KAT2B: variants seen among roughly 807,000 people sequenced by gnomAD.
The protein encoded by KAT2B is lysine acetyltransferase 2B, also known as histone acetyltransferase KAT2B.
KAT2B carries 36 observed loss-of-function variants against 105.9 expected under a neutral mutation model. That is an observed-to-expected ratio of 0.34 (90% CI 0.26 to 0.45). The LOEUF (loss-of-function observed/expected upper bound fraction) is 0.45. KAT2B is among the 20% of genes least tolerant of loss of function. The pLI, the probability that KAT2B is intolerant of heterozygous loss-of-function variation, is 1.00. For missense variants in KAT2B, 820 were observed against 1,021.6 expected (o/e 0.80, Z 2.69); for synonymous variants, 397 against 377.9 (o/e 1.05, Z -0.59).
chr3:20,062,198 T>TA (rs1174879200), intron 1 of KAT2B, among the ~76,000 whole-genome samples: 6,129 of 48,384 alleles, frequency 0.13, 620 homozygotes, highest in Non-Finnish European at 0.16. Context: ...AAAATATATA[T>TA]ATTTTATATA....
intron 7 of KAT2B, among the ~76,000 whole-genome samples, chr3:20,117,630 T>C (rs1699229232): frequency 1.3e-5 from 2 of 152,236 alleles, no homozygotes; most frequent in South Asian, 4.1e-4. Context: ...GTATCTCTCT[T>C]GCTTGGTTTA....
chr3:20,138,826 T>C (rs1699648360), intron 12 of KAT2B, among the ~76,000 whole-genome samples: 3 of 152,224 alleles, frequency 2.0e-5, no homozygotes, highest in Non-Finnish European at 4.4e-5. Context: ...TATGGCTTTT[T>C]CTTTAAATCT....
chr3:20,041,524 C>T (rs1299750009), intron 1 of KAT2B, among the ~76,000 whole-genome samples: 1 of 152,222 alleles, frequency 6.6e-6, no homozygotes, highest in African/African-American at 2.4e-5. Context: ...TTCTTGCTAC[C>T]CACTCTCCAT....
At chr3:20,103,648 A>G (rs573374331) in intron 5 of KAT2B, among the ~76,000 whole-genome samples, 4 of 152,238 alleles carry the variant, frequency 2.6e-5, no homozygotes, top group African/African-American at 7.2e-5. Context: ...ACCTCAAGCA[A>G]TCCTCCCACC....
intron 2 of KAT2B, among the ~76,000 whole-genome samples, chr3:20,082,000 C>A (rs1698529473): frequency 6.6e-6 from 1 of 151,302 alleles, no homozygotes; most frequent in Admixed American, 6.6e-5. Context: ...CATAGCCCTT[C>A]CTCCCCTAAA....
chr3:20,114,864 T>A lies in KAT2B; in HGVS notation c.1044-18T>A. The stretch of plus-strand genomic sequence containing the variant: ...AGTAGTTTTTTTTTAATCTTATTGC[T>A]ATTACTCTTGTGTCTAGATTTCTGT... On this transcript the variant is annotated intron_variant, in intron 6 of 17. Transcript: ENST00000263754. 2 of 1,375,760 alleles carry A rather than the reference T, an allele frequency of 1.5e-6. No homozygotes were observed. The highest frequency in any genetic ancestry group is 2.1e-6 in the Non-Finnish European group (2 of 968,010). 85.2% of individuals were successfully genotyped at this position (1,375,760 alleles called of 1,614,324 possible).
rs1047469225 is a variant in KAT2B, at chr3:20,146,301, T to C, written c.2005-15T>C. ...ACTTCTTTCCCTAAACACATTTCCTTCCTGTGCTTTACAGATAATTAAAAA... is the reference window on the plus strand; with the variant it reads ...ACTTCTTTCCCTAAACACATTTCCTCCCTGTGCTTTACAGATAATTAAAAA... On this transcript the variant is annotated splice_polypyrimidine_tract_variant and intron_variant, in intron 13 of 17. Coordinates refer to ENST00000263754, the MANE Select transcript of KAT2B (RefSeq NM_003884.5). 1.4e-6 allele frequency: 2 copies of C among 1,429,750 alleles called. No homozygotes were observed. The highest frequency in any genetic ancestry group is 1.4e-5 in the African/African-American group (1 of 71,378). The allele number at this position is 1,429,750 out of a possible 1,614,324, so 88.6% of individuals were successfully genotyped here.
chr3:20,146,744 T>C (rs916235874), intron 14 of KAT2B, among the ~76,000 whole-genome samples: 1 of 152,198 alleles, frequency 6.6e-6, no homozygotes, highest in African/African-American at 2.4e-5. Context: ...TCCTATTTTA[T>C]AAATGGGGAA....
intron 15 of KAT2B, 62 bp downstream of exon 15, chr3:20,148,061 C>T (rs1699808437): frequency 1.3e-5 from 20 of 1,551,000 alleles, no homozygotes; most frequent in Non-Finnish European, 1.7e-5. Context: ...CACCAAGCAA[C>T]TTAAAGAAAA....
chr3:20,145,111 CAA>C (rs1441714465), intron 13 of KAT2B, among the ~76,000 whole-genome samples: 4 of 152,138 alleles, frequency 2.6e-5, no homozygotes, highest in Non-Finnish European at 5.9e-5. Flanking sequence ...CTCTGATTTT[CAA>C]GAGTTCATAT....
intron 5 of KAT2B, among the ~76,000 whole-genome samples, chr3:20,110,713 A>G (rs1699106287): frequency 6.7e-6 from 1 of 149,400 alleles, no homozygotes; most frequent in South Asian, 2.1e-4. Flanking sequence ...AAAGAAAAAG[A>G]GGTTTATTTT....
At chr3:20,077,659 T>A (rs888721620) in intron 2 of KAT2B, among the ~76,000 whole-genome samples, 1 of 152,220 alleles carries the variant, frequency 6.6e-6, no homozygotes, top group African/African-American at 2.4e-5. Context: ...TTATTAAAAT[T>A]ATTTCTACTG....
intron 1 of KAT2B, among the ~76,000 whole-genome samples, chr3:20,050,978 A>T (rs554239465): frequency 6.6e-6 from 1 of 152,200 alleles, no homozygotes; most frequent in East Asian, 1.9e-4. Flanking sequence ...AGGTGGGCAG[A>T]TCGCTTGAGG....
At chr3:20,056,250 G>A (rs1229428963) in intron 1 of KAT2B, among the ~76,000 whole-genome samples, 1 of 152,154 alleles carries the variant, frequency 6.6e-6, no homozygotes, top group East Asian at 1.9e-4. Context: ...TATTGTAAGG[G>A]TAGAGGCAAC....
At chr3:20,043,976 A>G (rs1697762503) in intron 1 of KAT2B, among the ~76,000 whole-genome samples, 1 of 152,106 alleles carries the variant, frequency 6.6e-6, no homozygotes, top group African/African-American at 2.4e-5. Context: ...CAGGCCTGAT[A>G]TAAATCTGGC....
At chr3:20,072,552 T>A in intron 2 of KAT2B, 93 bp downstream of exon 2, 1 of 1,220,074 alleles carries the variant, frequency 8.2e-7, no homozygotes, top group Non-Finnish European at 1.2e-6. Flanking sequence ...CAAATTTGAA[T>A]GCTGTGTACC....
chr3:20,139,673 G>A (rs777020899), intron 12 of KAT2B, among the ~76,000 whole-genome samples: 1 of 152,004 alleles, frequency 6.6e-6, no homozygotes, highest in South Asian at 2.1e-4. Context: ...GGCTTAAAGT[G>A]TGTAAATGAG....
At chr3:20,111,869 C>A in intron 6 of KAT2B, 82 bp downstream of exon 6, 1 of 1,095,598 alleles carries the variant, frequency 9.1e-7, no homozygotes, top group Non-Finnish European at 1.3e-6. Context: ...GCATAAATAA[C>A]AAGATCGGAA....
intron 1 of KAT2B, among the ~76,000 whole-genome samples, chr3:20,068,666 A>G (rs940511253): frequency 1.3e-5 from 2 of 152,088 alleles, no homozygotes; most frequent in Non-Finnish European, 2.9e-5. Flanking sequence ...TCTTTGTTTC[A>G]TAGTCAATAG....
Sources: allele counts gnomAD v4.1 joint callset (sites outside exome capture counted in the v4.1 genomes callset), GRCh38; gene constraint gnomAD v4.1.1; transcripts MANE v1.5; gene names NCBI Gene and HGNC (gene_info 2026-07-23, HGNC 2026-07-21).